The following TEDC1 variants were observed in gnomAD, a reference collection of about 807,000 sequenced individuals.
TEDC1 encodes tubulin epsilon and delta complex 1, also known as tubulin epsilon and delta complex protein 1.
In TEDC1, 54 loss-of-function variants were observed where a neutral mutation model predicts 59.9. The observed-to-expected ratio is 0.90, with a 90% CI of 0.72 to 1.13. The LOEUF is 1.13. TEDC1 is among the 50% of genes most tolerant of loss of function. The pLI is 0.00. For missense variants in TEDC1, 734 were observed against 683.4 expected, an observed-to-expected ratio of 1.07 and a Z score of -0.83; for synonymous variants, 353 against 298.1, an observed-to-expected ratio of 1.18 and a Z score of -1.90.
Position 105,491,672 on chromosome 14 carries a change from G to A in TEDC1, c.198G>A (p.Ala66=). ...TCCGTGTGCTCTCGCCACTCCCTGC[G>A]GGCAACGCCTTGGCATCGCTCGCCC... ...LLFRVLSPLP[A]GNALASLALE... is the part of the protein sequence containing the mutation. Residue 66 remains alanine (A), a synonymous_variant, in exon 2 of 9, where the codon GCG becomes GCA. Coordinates refer to ENST00000392523, the MANE Select transcript of TEDC1 (RefSeq NM_001367178.1). 2 of 1,549,504 alleles carry A rather than the reference G, an allele frequency of 1.3e-6. No individual in the cohort carries two copies. Among genetic ancestry groups the A allele is most frequent in the Non-Finnish European group, 1.7e-6 (2 of 1,146,866 alleles).
chr14:105,491,237 A>G, upstream of TEDC1: 2 of 1,539,568 alleles, frequency 1.3e-6, no homozygotes, highest in Non-Finnish European at 1.7e-6. Context: ...CCGTGCCATG[A>G]TTGGGCTCAG....
At chr14:105,495,328 C>T (rs2084320760) in intron 5 of TEDC1, 1 of 155,676 alleles carries the variant, frequency 6.4e-6, no homozygotes, top group Non-Finnish European at 1.4e-5. Context: ...GAGACTTGGC[C>T]CCTGTACCTC....
Position 105,492,237 on chromosome 14 carries a change from C to G in TEDC1, c.357C>G (p.Ala119=), listed in dbSNP as rs782140667. Residue 119 remains alanine, a synonymous_variant, in exon 3 of 9, where the codon GCC becomes GCG. Transcript: ENST00000392523. ...ELLLALSWLL[A]RGPVPEQMLA... ...TGCTGGCTCTGTCCTGGCTCTTGGC[C>G]CGAGGACCTGTGCCCGAGCAGATGC... is the stretch of plus-strand genomic sequence containing the variant. 1.2e-6 allele frequency: 2 copies of G among 1,611,554 alleles called. No individual in the cohort carries two copies. Among genetic ancestry groups the G allele is most frequent in the Non-Finnish European group, 1.7e-6 (2 of 1,179,960 alleles).
chr14:105,498,515 T>G (rs1345288811), intron 8 of TEDC1, 102 bp from the exon 9 acceptor site: 1 of 1,287,116 alleles, frequency 7.8e-7, no homozygotes, highest in Non-Finnish European at 1.1e-6. Flanking sequence ...GTTTCCCGCA[T>G]GCCTGCAGCG....
chr14:105,490,928 C>T, upstream of TEDC1: 4 of 1,137,132 alleles, frequency 3.5e-6, no homozygotes, highest in Non-Finnish European at 5.1e-6. Context: ...TGTCGGGTGT[C>T]GTGACGATTG....
chr14:105,490,506 G>A (rs2084182573), upstream of TEDC1: 1 of 152,248 alleles, frequency 6.6e-6, no homozygotes, highest in Non-Finnish European at 1.5e-5. Context: ...CGTGCAGGCG[G>A]GCCCGGCTCA....
At position 105,493,941 on chromosome 14, in the gene TEDC1, C is replaced by A; in HGVS notation, c.684+8C>A. On this transcript the variant is annotated splice_region_variant and intron_variant, in intron 5 of 8. Coordinates refer to ENST00000392523, the MANE Select transcript of TEDC1 (RefSeq NM_001367178.1). The stretch of plus-strand genomic sequence containing the variant: ...CCAGAGGGAGGCCAGCAGGTGAGGG[C>A]GGGCAAGCTGCTGCGGGGGGGTGGG... 1 of 709,686 alleles carries A rather than the reference C, an allele frequency of 1.4e-6. No homozygotes were observed. The highest frequency in any genetic ancestry group is 2.0e-6 in the Non-Finnish European group (1 of 506,930). The allele number at this position is 709,686 out of a possible 1,614,324, so 44.0% of individuals were successfully genotyped here.
At position 105,497,842 on chromosome 14, in the gene TEDC1, C is replaced by T. The variant is rs2084382295; in HGVS notation, c.1023C>T (p.Ala341=). The change falls in exon 8 of 9, where the codon GCC becomes GCT. Residue 341 remains alanine (A), a synonymous_variant. Transcript: ENST00000392523. ...GTCAPEVPAA[A]SQPTFLPWVP... ...GTGCCCCGGAGGTGCCTGCTGCAGC[C>T]TCACAGCCCACCTTCCTGCCCTGGG... is the stretch of plus-strand genomic sequence containing the variant. 3 of 1,572,914 alleles carry T rather than the reference C, an allele frequency of 1.9e-6. No individual in the cohort carries two copies. Among genetic ancestry groups the T allele is most frequent in the African/African-American group, 2.7e-5 (2 of 74,274 alleles).
chr14:105,491,958 C>T (rs747770333), intron 2 of TEDC1, 149 bp from the exon 3 acceptor site: 16 of 933,998 alleles, frequency 1.7e-5, no homozygotes, highest in Non-Finnish European at 2.6e-5. Flanking sequence ...TCTCCTCATC[C>T]TGGTCTGAGT....
chr14:105,492,830 A>G (rs2084247875), intron 4 of TEDC1, 96 bp downstream of exon 4: 2 of 1,456,348 alleles, frequency 1.4e-6, no homozygotes, highest in Non-Finnish European at 9.1e-7. Flanking sequence ...GGCCTGGCAC[A>G]GGCTTTTGGC....
At position 105,498,729 on chromosome 14, in the gene TEDC1, C is replaced by T. The variant is rs76619093; in HGVS notation, c.1271C>T (p.Pro424Leu). ...LQQCWERDGG[P>L]AQPHGPHRLV... ...CAGTGCTGGGAGCGAGACGGTGGCC[C>T]GGCCCAGCCCCATGGGCCACACCGG... The change falls in exon 9 of 9, where the codon CCG becomes CTG. Residue 424 changes from proline (P) to leucine (L), a missense_variant. Transcript: ENST00000392523. 542 of 1,555,580 alleles carry T rather than the reference C, an allele frequency of 3.5e-4. No homozygotes were observed. Among genetic ancestry groups the T allele is most frequent in the African/African-American group, 1.1e-3 (83 of 73,586 alleles).
intron 5 of TEDC1, chr14:105,494,176 C>A: frequency 1.8e-6 from 1 of 570,056 alleles, no homozygotes. Flanking sequence ...CGGGTGGGGG[C>A]CCAGGACGCA....
intron 4 of TEDC1, 79 bp from the exon 5 acceptor site, chr14:105,493,756 T>A (rs2084273227): frequency 9.6e-7 from 1 of 1,041,976 alleles, no homozygotes. Context: ...ATGGCCGACC[T>A]CCCTGGACTC....
In TEDC1 at chr14:105,497,205, A is replaced by G. The variant is rs587640880; in HGVS notation, c.892-152A>G. The G allele has an allele frequency of 4.0e-5, 31 of 772,430 alleles. No homozygotes were observed. The African/African-American group carries it at 4.9e-4, about 12-fold the overall frequency. 47.8% of individuals were successfully genotyped at this position (772,430 alleles called of 1,614,324 possible). ...GGGTGCCCTGCTCATCGCTCTGGCC[A>G]GAGAACCTGGGCGCAGGCAGGGGAG... is the stretch of plus-strand genomic sequence containing the variant. On this transcript the variant is annotated intron_variant, in intron 6 of 8. Coordinates refer to ENST00000392523, the MANE Select transcript of TEDC1 (RefSeq NM_001367178.1).
chr14:105,492,481 C>G (rs782351985), intron 3 of TEDC1, 98 bp from the exon 4 acceptor site: 2 of 1,470,362 alleles, frequency 1.4e-6, no homozygotes, highest in Non-Finnish European at 9.0e-7. Flanking sequence ...AGGGAGCACC[C>G]GTTGTTTTTG....
rs1164950666 is a variant in TEDC1, at chr14:105,497,653, C to T, written c.979-145C>T. The stretch of plus-strand genomic sequence containing the variant: ...AGCTCCATGGCCTTCTAGAGTGTGG[C>T]CTTTGTGCCTCCCTGGACGTCACAG... On this transcript the variant is annotated intron_variant, in intron 7 of 8. Transcript: ENST00000392523. 1.2e-5 allele frequency: 14 copies of T among 1,195,574 alleles called. 1 individual carries two copies. In the South Asian group the frequency reaches 1.8e-4, roughly 15 times the overall value. 74.1% of individuals were successfully genotyped at this position (1,195,574 alleles called of 1,614,324 possible). A position where few individuals can be genotyped will look rare whatever the true frequency, so the allele number is the denominator to read the frequency against.
chr14:105,493,761 G>A, intron 4 of TEDC1, 74 bp from the exon 5 acceptor site: 2 of 1,089,290 alleles, frequency 1.8e-6, no homozygotes, highest in Non-Finnish European at 2.7e-6. Flanking sequence ...CGACCTCCCT[G>A]GACTCATGGA....
intron 6 of TEDC1, chr14:105,496,353 C>T: frequency 2.0e-6 from 1 of 500,654 alleles, no homozygotes. Context: ...CCACACCGCC[C>T]ACAGACCTCC....
chr14:105,496,149 T>TGGGGGGGGGGGGG, intron 6 of TEDC1, 63 bp downstream of exon 6: 1 of 81,278 alleles, frequency 1.2e-5, no homozygotes, highest in Non-Finnish European at 2.2e-5. Flanking sequence ...TGGGAGGGGG[T>TGGGGGGGGGGGGG]GGCGAGGGGG....
Sources: allele counts gnomAD v4.1 joint callset, GRCh38; gene constraint gnomAD v4.1.1; transcripts MANE v1.5; gene names NCBI Gene and HGNC (gene_info 2026-07-23, HGNC 2026-07-21).